The following SEPTIN10 variants were observed in gnomAD, a reference collection of about 807,000 sequenced individuals.
SEPTIN10 encodes the protein septin 10, also known as septin-10.
A neutral mutation model predicts 54.8 loss-of-function variants in SEPTIN10; 66 were observed. The observed-to-expected ratio is 1.21, with a 90% confidence interval of 0.99 to 1.48. The LOEUF (loss-of-function observed/expected upper bound fraction) is 1.48, where lower values mean the gene tolerates loss of function less well. Among genes scored for constraint, SEPTIN10 ranks in the 40% most tolerant of loss-of-function variants. The pLI is 0.00. For synonymous variants in SEPTIN10, 161 were observed against 181.0 expected (o/e 0.89, Z 0.89); for missense variants, 620 against 545.6 (o/e 1.14, Z -1.36).
intron 6 of SEPTIN10, among the ~76,000 whole-genome samples, chr2:109,567,193 T>C (rs1422953252): frequency 6.6e-6 from 1 of 152,162 alleles, no homozygotes; most frequent in Non-Finnish European, 1.5e-5. Context: ...TAACCTAACT[T>C]TGTAGATATG....
In SEPTIN10 at chr2:109,567,903, A is replaced by C; in HGVS notation, c.674T>G (p.Leu225Arg). ...KTELQKFKIK[L>R]MSELVSNGVQ... is the part of the protein sequence containing the mutation. ...GCCATTGCTGACCAATTCACTCATG[A>C]GCTTGATCTTAAACTTCTGTAATTC... is the stretch of plus-strand genomic sequence containing the variant. Residue 225 changes from leucine (L) to arginine (R), a missense_variant, in exon 6 of 11, where the codon CTC (leucine) becomes CGC (arginine). Coordinates refer to ENST00000397712, the MANE Select transcript of SEPTIN10 (RefSeq NM_144710.5). The C allele has an allele frequency of 6.2e-7, 1 of 1,614,018 alleles. No individual in the cohort carries two copies. The highest frequency in any genetic ancestry group is 1.3e-5 in the African/African-American group (1 of 75,042).
intron 1 of SEPTIN10, among the ~76,000 whole-genome samples, chr2:109,603,593 G>T (rs1048536713): frequency 6.6e-6 from 1 of 152,168 alleles, no homozygotes; most frequent in East Asian, 1.9e-4. Flanking sequence ...CAGACCCCAG[G>T]TATTGTGGAT....
rs576760256 is a variant in SEPTIN10, at chr2:109,592,611, T to A, written c.99+440A>T. ...CCTACCAACATGGTGAAACCCCATC[T>A]CTACTAAAATACAAAAAAGTTAGCC... On this transcript the variant is annotated intron_variant, in intron 2 of 10. Transcript: ENST00000397712. Among the ~76,000 whole-genome samples the A allele has an allele frequency of 1.5e-4, 23 of 151,424 alleles. No individual in the cohort carries two copies. The South Asian group carries it at 4.8e-3, about 32-fold the overall frequency.
In SEPTIN10 at chr2:109,565,155, A is replaced by G. The variant is rs570163866; in HGVS notation, c.859+608T>C. ...TAATTATTACTTTTACATTTTTTAT[A>G]AAATTAAAAATGTTATATTTTCTCA... On this transcript the variant is annotated intron_variant, in intron 7 of 10. Transcript: ENST00000397712. 1.1e-3 allele frequency among the ~76,000 whole-genome samples: 165 copies of G among 152,276 alleles called. 1 individual carries two copies. Among genetic ancestry groups the G allele is most frequent in the African/African-American group, 3.8e-3 (157 of 41,570 alleles).
chr2:109,606,883 C>G (rs1434333467), intron 1 of SEPTIN10, among the ~76,000 whole-genome samples: 1 of 151,834 alleles, frequency 6.6e-6, no homozygotes, highest in East Asian at 1.9e-4. Flanking sequence ...AACTCCTGAC[C>G]GGAGGTGACC....
chr2:109,589,182 A>T (rs1007942721), intron 2 of SEPTIN10, among the ~76,000 whole-genome samples: 3 of 151,748 alleles, frequency 2.0e-5, no homozygotes, highest in Non-Finnish European at 4.4e-5. Flanking sequence ...TCACTCTGTC[A>T]CCCAGGCTGG....
chr2:109,612,805 G>C (rs1308316054), intron 1 of SEPTIN10, among the ~76,000 whole-genome samples: 2 of 152,182 alleles, frequency 1.3e-5, no homozygotes, highest in Non-Finnish European at 2.9e-5. Context: ...AGAATGAAAA[G>C]AGACCTGGGC....
rs554120437 is a variant in SEPTIN10 at position 109,544,868 on chromosome 2, C to A, written c.1350-544G>T. Reference sequence around the variant, plus strand: ...CTATATCAATGAACAAGATAAAGATCCATGCCCTTGGAGAGCTTGCATTGA... The same window carrying A: ...CTATATCAATGAACAAGATAAAGATACATGCCCTTGGAGAGCTTGCATTGA... On this transcript the variant is annotated intron_variant, in intron 10 of 10. Transcript: ENST00000397712. 4.1e-5 allele frequency: 35 copies of A among 847,524 alleles called. No individual in the cohort carries two copies. The East Asian group carries it at 1.7e-3, about 42-fold the overall frequency. 52.5% of individuals were successfully genotyped at this position (847,524 alleles called of 1,614,324 possible).
At chr2:109,553,326 CCT>C in intron 8 of SEPTIN10, 107 bp from the exon 9 acceptor site, 1 of 1,161,552 alleles carries the variant, frequency 8.6e-7, no homozygotes, top group Non-Finnish European at 1.2e-6. Flanking sequence ...AGGTGGATCA[CCT>C]AAGGTCAGGA....
intron 1 of SEPTIN10, chr2:109,613,430 A>G (rs1280597860): frequency 3.2e-6 from 1 of 309,998 alleles, no homozygotes; most frequent in African/African-American, 2.1e-5. Flanking sequence ...CGGCTGCAAA[A>G]GATGACCGCT....
At position 109,613,869 on chromosome 2, in the gene SEPTIN10, GC is replaced by G; in HGVS notation, c.-43del. On this transcript the variant is annotated 5_prime_UTR_variant, in exon 1 of 11. Transcript: ENST00000397712. Reference sequence around the variant, plus strand: ...ACGGTGAAGCGGCTGTATCAGCCCGGCCCCGAGCGGCTGGTCCCGGCGACGG... The same window carrying G: ...ACGGTGAAGCGGCTGTATCAGCCCGGCCCGAGCGGCTGGTCCCGGCGACGG... 1 of 1,230,842 alleles carries G rather than the reference GC, an allele frequency of 8.1e-7. No homozygotes were observed. Among genetic ancestry groups the G allele is most frequent in the Non-Finnish European group, 1.0e-6 (1 of 987,772 alleles). The allele number at this position is 1,230,842 out of a possible 1,614,324, so 76.2% of individuals were successfully genotyped here.
chr2:109,605,513 CAA>C (rs1697745704), intron 1 of SEPTIN10: 2 of 151,948 alleles, frequency 1.3e-5, no homozygotes, highest in South Asian at 2.1e-4. Context: ...ACTTGAATAA[CAA>C]AGTTAATTCA....
intron 3 of SEPTIN10, 30 bp from the exon 4 acceptor site, chr2:109,585,351 T>A (rs551525124): frequency 6.6e-7 from 1 of 1,521,660 alleles, no homozygotes; most frequent in Non-Finnish European, 8.9e-7. Context: ...ATCTTTATGG[T>A]TGCATGAATG....
chr2:109,599,211 A>C (rs1244887036), intron 1 of SEPTIN10, among the ~76,000 whole-genome samples: 1 of 152,102 alleles, frequency 6.6e-6, no homozygotes, highest in Non-Finnish European at 1.5e-5. Flanking sequence ...TAACCCCAGC[A>C]CTCTGGGAGG....
chr2:109,565,040 T>A (rs528052745), intron 7 of SEPTIN10, among the ~76,000 whole-genome samples: 1 of 152,226 alleles, frequency 6.6e-6, no homozygotes, highest in Non-Finnish European at 1.5e-5. Context: ...TCAAAATTAG[T>A]GAACACACTT....
rs1200004543 is a variant in SEPTIN10 at position 109,613,853 on chromosome 2, C to T, written c.-26G>A. ...GGTCGCGGGCAGGGGCACGGTGAAGCGGCTGTATCAGCCCGGCCCCGAGCG... is the reference window on the plus strand; with the variant it reads ...GGTCGCGGGCAGGGGCACGGTGAAGTGGCTGTATCAGCCCGGCCCCGAGCG... On this transcript the variant is annotated 5_prime_UTR_variant, in exon 1 of 11. Transcript: ENST00000397712. The T allele has an allele frequency of 1.6e-6, 2 of 1,235,254 alleles. No individual in the cohort carries two copies. The highest frequency in any genetic ancestry group is 2.0e-6 in the Non-Finnish European group (2 of 990,808). The allele number at this position is 1,235,254 out of a possible 1,614,324, so 76.5% of individuals were successfully genotyped here.
At chr2:109,549,597 G>A (rs181660551) in intron 9 of SEPTIN10, among the ~76,000 whole-genome samples, 174 of 152,234 alleles carry the variant, frequency 1.1e-3, no homozygotes, top group African/African-American at 3.4e-3. Context: ...GGGATCTTTT[G>A]TGCTATCAAT....
chr2:109,568,448 T>C (rs551086730), intron 5 of SEPTIN10, among the ~76,000 whole-genome samples: 2 of 149,542 alleles, frequency 1.3e-5, no homozygotes, highest in East Asian at 2.0e-4. Context: ...CTCAACTCAC[T>C]GCAACCACTG....
At chr2:109,607,082 T>A (rs1698157491) in intron 1 of SEPTIN10, among the ~76,000 whole-genome samples, 1 of 152,234 alleles carries the variant, frequency 6.6e-6, no homozygotes, top group Non-Finnish European at 1.5e-5. Context: ...TCTCCGCTAA[T>A]CCATGGCCAT....
Sources: allele counts gnomAD v4.1 joint callset (sites outside exome capture counted in the v4.1 genomes callset), GRCh38; gene constraint gnomAD v4.1.1; transcripts MANE v1.5; gene names NCBI Gene and HGNC (gene_info 2026-07-23, HGNC 2026-07-21).